Variants in SLCO4C1 observed in about 807,000 individuals in gnomAD.
SLCO4C1 encodes the protein solute carrier organic anion transporter family member 4C1, also known as organic anion transporter M1.
In SLCO4C1, 58 loss-of-function variants were observed where a neutral mutation model predicts 72.1. The ratio of observed to expected loss-of-function variants is 0.80; its 90% confidence interval spans 0.65 to 1.00. SLCO4C1 has a LOEUF of 1.00. Among genes scored for constraint, SLCO4C1 ranks in the 50% least tolerant of loss-of-function variants. The pLI is 0.00. For synonymous variants in SLCO4C1, 297 were observed against 312.5 expected (o/e 0.95, Z 0.52); for missense variants, 898 against 857.9 (o/e 1.05, Z -0.58).
chr5:102,293,018 T>A (rs1749584178), intron 1 of SLCO4C1, among the ~76,000 whole-genome samples: 1 of 152,036 alleles, frequency 6.6e-6, no homozygotes, highest in Admixed American at 6.6e-5. Flanking sequence ...CAAGTCATGA[T>A]CTCCACAAAT....
At chr5:102,257,884 C>T (rs775135109) in intron 7 of SLCO4C1, 59 bp downstream of exon 7, 3 of 1,454,712 alleles carry the variant, frequency 2.1e-6, no homozygotes, top group Non-Finnish European at 2.8e-6. Flanking sequence ...ACACTATCCT[C>T]ATAAAAATTT....
rs1748439599 is a variant in SLCO4C1 at position 102,236,611 on chromosome 5, T to TC, written c.*246_*247insG. 5.4e-6 allele frequency: 2 copies of TC among 369,230 alleles called. No individual in the cohort carries two copies. The allele number at this position is 369,230 out of a possible 1,614,324, so 22.9% of individuals were successfully genotyped here. On this transcript the variant is annotated 3_prime_UTR_variant, in exon 13 of 13. Transcript: ENST00000310954. Reference sequence around the variant, plus strand: ...GTGTGTGTGTGTGTGTGTTCGTGTGTGTGTGTGTGTGTGTGCTCGTGTGTG... The same window carrying TC: ...GTGTGTGTGTGTGTGTGTTCGTGTGTCGTGTGTGTGTGTGTGCTCGTGTGTG...
intron 6 of SLCO4C1, among the ~76,000 whole-genome samples, chr5:102,259,969 C>A (rs1748903874): frequency 1.3e-5 from 2 of 152,002 alleles, no homozygotes; most frequent in South Asian, 4.2e-4. Context: ...TTGTAGTAAA[C>A]AAGCAAACAA....
chr5:102,249,307 G>A (rs1012949251), intron 9 of SLCO4C1, among the ~76,000 whole-genome samples: 7 of 152,204 alleles, frequency 4.6e-5, no homozygotes, highest in South Asian at 2.1e-4. Flanking sequence ...CTTAAGTATG[G>A]CATATTTGGG....
intron 2 of SLCO4C1, among the ~76,000 whole-genome samples, chr5:102,285,916 G>C (rs760889296): frequency 6.6e-6 from 1 of 152,056 alleles, no homozygotes; most frequent in Non-Finnish European, 1.5e-5. Context: ...TTCCTGTATT[G>C]AATTTGTGCT....
chr5:102,290,774 A>AT (rs1173547538), intron 2 of SLCO4C1, among the ~76,000 whole-genome samples: 1 of 152,200 alleles, frequency 6.6e-6, no homozygotes, highest in African/African-American at 2.4e-5. Flanking sequence ...TAAAAATGTC[A>AT]TTGGGAAAAA....
intron 8 of SLCO4C1, among the ~76,000 whole-genome samples, chr5:102,255,573 G>A (rs190360802): frequency 9.2e-5 from 14 of 152,096 alleles, no homozygotes; most frequent in Non-Finnish European, 8.8e-5. Flanking sequence ...ATTCAACCTG[G>A]TCTCTGAAAC....
In SLCO4C1 at chr5:102,244,539, G is replaced by A. The variant is rs567911624; in HGVS notation, c.1811+2713C>T. Among the ~76,000 whole-genome samples, 9 of 152,152 alleles carry A rather than the reference G, an allele frequency of 5.9e-5. No homozygotes were observed. The East Asian group carries it at 1.7e-3, about 29-fold the overall frequency. The stretch of plus-strand genomic sequence containing the variant: ...AGATATCAATATCCAAGTACGAGAA[G>A]GTTATAGAAGACTAAGCAGATTTAA... On this transcript the variant is annotated intron_variant, in intron 10 of 12. Transcript: ENST00000310954.
chr5:102,264,044 C>T lies in SLCO4C1; in HGVS notation c.803-264G>A, dbSNP rs190886283. ...ATCCATGGAAAGTGTTGTTAACTGG[C>T]AGTAGAGGTAGTATATCTACCATTT... On this transcript the variant is annotated intron_variant, in intron 3 of 12. Coordinates refer to ENST00000310954, the MANE Select transcript of SLCO4C1 (RefSeq NM_180991.5). Among the ~76,000 whole-genome samples the T allele has an allele frequency of 2.5e-3, 387 of 152,106 alleles. 1 individual carries two copies. Among genetic ancestry groups the T allele is most frequent in the African/African-American group, 9.0e-3 (372 of 41,518 alleles).
chr5:102,284,728 A>G (rs1749418305), intron 2 of SLCO4C1, among the ~76,000 whole-genome samples: 1 of 152,164 alleles, frequency 6.6e-6, no homozygotes, highest in African/African-American at 2.4e-5. Flanking sequence ...TACTTTCAGA[A>G]ATGTTTGGAC....
Position 102,291,610 on chromosome 5 carries a change from A to C in SLCO4C1, c.356-4T>G. ...ACTAGGCCATTAACTACAATACCTA[A>C]AAAACAGAAAAGTTGATGTGCATCA... On this transcript the variant is annotated splice_region_variant and splice_polypyrimidine_tract_variant and intron_variant, in intron 1 of 12. Transcript: ENST00000310954. 1 of 1,595,368 alleles carries C rather than the reference A, an allele frequency of 6.3e-7. No individual in the cohort carries two copies. The highest frequency in any genetic ancestry group is 1.3e-5 in the African/African-American group (1 of 74,080).
intron 2 of SLCO4C1, among the ~76,000 whole-genome samples, chr5:102,275,214 A>G (rs28481357): frequency 0.24 from 36,559 of 151,910 alleles, 5,085 homozygotes; most frequent in Non-Finnish European, 0.29. Flanking sequence ...CTAAAACCCC[A>G]TAGAAAAGAA....
chr5:102,240,595 C>G, intron 11 of SLCO4C1, 123 bp downstream of exon 11: 1 of 721,278 alleles, frequency 1.4e-6, no homozygotes. Context: ...TGGCTTCCTT[C>G]AACAAGAATG....
At chr5:102,271,847 A>C (rs1366451075) in intron 2 of SLCO4C1, among the ~76,000 whole-genome samples, 6 of 152,108 alleles carry the variant, frequency 3.9e-5, no homozygotes, top group African/African-American at 1.4e-4. Context: ...AAACATATAC[A>C]CACAGAATGG....
intron 3 of SLCO4C1, among the ~76,000 whole-genome samples, chr5:102,266,236 G>A (rs1257418417): frequency 3.3e-5 from 5 of 152,088 alleles, no homozygotes; most frequent in African/African-American, 1.2e-4. Flanking sequence ...GTAAGACTAT[G>A]TCATCTGTGG....
chr5:102,237,756 AT>A (rs1422937805), intron 12 of SLCO4C1, among the ~76,000 whole-genome samples: 1 of 152,214 alleles, frequency 6.6e-6, no homozygotes, highest in African/African-American at 2.4e-5. Flanking sequence ...ACAGAAAATA[AT>A]TCTAAAAATT....
At chr5:102,242,599 C>G (rs1476912229) in intron 10 of SLCO4C1, among the ~76,000 whole-genome samples, 1 of 152,116 alleles carries the variant, frequency 6.6e-6, no homozygotes, top group Non-Finnish European at 1.5e-5. Flanking sequence ...CATTTTGGGC[C>G]AGAAGGGTGC....
Position 102,287,084 on chromosome 5 carries a change from A to G in SLCO4C1, c.619+4259T>C, listed in dbSNP as rs568490175. Among the ~76,000 whole-genome samples, 18 of 152,258 alleles carry G rather than the reference A, an allele frequency of 1.2e-4. No homozygotes were observed. In the South Asian group the frequency reaches 3.5e-3, roughly 30 times the overall value. Reference sequence around the variant, plus strand: ...TACATGTATAATTTCAATTAATAAAATCATTTATTAATATTATGCTCTATG... The same window carrying G: ...TACATGTATAATTTCAATTAATAAAGTCATTTATTAATATTATGCTCTATG... On this transcript the variant is annotated intron_variant, in intron 2 of 12. Coordinates refer to ENST00000310954, the MANE Select transcript of SLCO4C1 (RefSeq NM_180991.5).
chr5:102,244,617 G>A (rs1748605425), intron 10 of SLCO4C1, among the ~76,000 whole-genome samples: 1 of 151,986 alleles, frequency 6.6e-6, no homozygotes. Context: ...AAACATCAAG[G>A]ATAAAGAAAA....
Sources: allele counts gnomAD v4.1 joint callset (sites outside exome capture counted in the v4.1 genomes callset), GRCh38; gene constraint gnomAD v4.1.1; transcripts MANE v1.5; gene names NCBI Gene and HGNC (gene_info 2026-07-23, HGNC 2026-07-21).